THRB: variants seen among roughly 807,000 people sequenced by gnomAD.
THRB encodes the protein thyroid hormone receptor beta, also known as nuclear receptor subfamily 1 group A member 2.
THRB carries 12 observed loss-of-function variants against 47.8 expected under a neutral mutation model. That is an observed-to-expected ratio of 0.25 (90% CI 0.16 to 0.41). THRB has a LOEUF of 0.41. Among genes scored for constraint, THRB ranks in the 10% least tolerant of loss-of-function variants. The pLI is 1.00. For synonymous variants in THRB, 218 were observed against 212.2 expected, an observed-to-expected ratio of 1.03 and a Z score of -0.24; for missense variants, 348 against 589.2, an observed-to-expected ratio of 0.59 and a Z score of 4.24.
intron 2 of THRB, among the ~76,000 whole-genome samples, chr3:24,315,911 T>C (rs891368066): frequency 6.6e-6 from 1 of 152,238 alleles, no homozygotes; most frequent in Non-Finnish European, 1.5e-5. Context: ...TCAAAGCCAT[T>C]ATGATTCAGG....
intron 1 of THRB, among the ~76,000 whole-genome samples, chr3:24,360,289 A>G (rs1483563076): frequency 6.6e-6 from 1 of 152,150 alleles, no homozygotes; most frequent in African/African-American, 2.4e-5. Context: ...ACTAAGGTTC[A>G]CAGAGCGAAA....
intron 1 of THRB, among the ~76,000 whole-genome samples, chr3:24,410,213 A>C (rs879702847): frequency 9.2e-5 from 14 of 152,002 alleles, no homozygotes; most frequent in African/African-American, 3.4e-4. Flanking sequence ...CCCTACTGGG[A>C]AAATGTGGCT....
chr3:24,223,682 A>T (rs1187157739), intron 4 of THRB, among the ~76,000 whole-genome samples: 1 of 152,178 alleles, frequency 6.6e-6, no homozygotes, highest in African/African-American at 2.4e-5. Context: ...AATTATTTCA[A>T]AGGAAGAAAA....
At chr3:24,408,310 C>G (rs1160605754) in intron 1 of THRB, among the ~76,000 whole-genome samples, 1 of 151,816 alleles carries the variant, frequency 6.6e-6, no homozygotes, top group Non-Finnish European at 1.5e-5. Flanking sequence ...CTCAATTATT[C>G]AGACATAACG....
chr3:24,346,965 C>T (rs926266452), intron 1 of THRB, among the ~76,000 whole-genome samples: 11 of 151,982 alleles, frequency 7.2e-5, no homozygotes, highest in African/African-American at 2.7e-4. Context: ...TTACAGAATA[C>T]ACATTGAACA....
chr3:24,301,963 A>G (rs1040459634), intron 2 of THRB, among the ~76,000 whole-genome samples: 5 of 152,094 alleles, frequency 3.3e-5, no homozygotes, highest in African/African-American at 9.7e-5. Flanking sequence ...AAGAAAGTTG[A>G]TTCTCCCTCA....
At chr3:24,364,311 TA>T (rs2079764354) in intron 1 of THRB, among the ~76,000 whole-genome samples, 2 of 152,184 alleles carry the variant, frequency 1.3e-5, no homozygotes, top group Non-Finnish European at 2.9e-5. Flanking sequence ...AATGGAATGA[TA>T]ACTTGATTAT....
At chr3:24,217,494 G>A (rs851719) in intron 4 of THRB, among the ~76,000 whole-genome samples, 109,171 of 151,740 alleles carry the variant, frequency 0.72, 40,634 homozygotes, top group African/African-American at 0.93. Context: ...TGGCAGGTAA[G>A]ATGTTTGAAA....
chr3:24,141,842 A>G (rs1416808552), intron 8 of THRB, among the ~76,000 whole-genome samples: 1 of 152,178 alleles, frequency 6.6e-6, no homozygotes, highest in Non-Finnish European at 1.5e-5. Context: ...GGTTTCTACA[A>G]TGTCCATTTA....
intron 1 of THRB, among the ~76,000 whole-genome samples, chr3:24,424,913 A>T (rs1299790648): frequency 6.6e-6 from 1 of 151,912 alleles, no homozygotes; most frequent in African/African-American, 2.4e-5. Flanking sequence ...TAAACTTCTT[A>T]ATCTTCTATT....
chr3:24,256,126 G>T (rs1469070777), intron 3 of THRB, among the ~76,000 whole-genome samples: 1 of 152,204 alleles, frequency 6.6e-6, no homozygotes, highest in African/African-American at 2.4e-5. Context: ...AAATCCCAGA[G>T]AGTTTTGTGT....
intron 6 of THRB, among the ~76,000 whole-genome samples, chr3:24,147,798 C>G (rs1022715463): frequency 3.9e-5 from 6 of 152,138 alleles, no homozygotes; most frequent in African/African-American, 1.4e-4. Context: ...AAAGGAGGTG[C>G]TCTAAATATT....
intron 1 of THRB, among the ~76,000 whole-genome samples, chr3:24,419,002 G>A (rs1337985975): frequency 6.6e-6 from 1 of 151,884 alleles, no homozygotes; most frequent in Non-Finnish European, 1.5e-5. Flanking sequence ...CAGTGCCCAT[G>A]ACAGACATCA....
At chr3:24,290,233 T>C (rs966366399) in intron 3 of THRB, among the ~76,000 whole-genome samples, 1 of 152,048 alleles carries the variant, frequency 6.6e-6, no homozygotes, top group Non-Finnish European at 1.5e-5. Flanking sequence ...GGGGTGGGGT[T>C]GGGGGGATAA....
At chr3:24,376,651 A>C (rs1485346592) in intron 1 of THRB, among the ~76,000 whole-genome samples, 1 of 151,490 alleles carries the variant, frequency 6.6e-6, no homozygotes, top group East Asian at 1.9e-4. Flanking sequence ...ACTCCAAAAA[A>C]AGGCAATGCC....
At chr3:24,441,917 T>G (rs573775420) in intron 1 of THRB, among the ~76,000 whole-genome samples, 84 of 152,198 alleles carry the variant, frequency 5.5e-4, no homozygotes, top group Admixed American at 1.4e-3. Flanking sequence ...ATCTCTGACT[T>G]TGGAATACAG....
At chr3:24,453,651 G>C (rs150550851) in intron 1 of THRB, among the ~76,000 whole-genome samples, 15 of 152,238 alleles carry the variant, frequency 9.9e-5, no homozygotes, top group African/African-American at 3.1e-4. Flanking sequence ...CGCCATTTCC[G>C]CTGCTAAAAT....
chr3:24,283,877 T>C (rs1359507404), intron 3 of THRB, among the ~76,000 whole-genome samples: 1 of 149,172 alleles, frequency 6.7e-6, no homozygotes, highest in African/African-American at 2.5e-5. Context: ...TTACAAGGGA[T>C]GTGAAGGACC....
At chr3:24,431,476 G>A (rs2070415474) in intron 1 of THRB, among the ~76,000 whole-genome samples, 1 of 152,026 alleles carries the variant, frequency 6.6e-6, no homozygotes, top group African/African-American at 2.4e-5. Context: ...AAATTTAAAA[G>A]CCTGACATTA....
Sources: gnomAD v4.1 joint callset for allele counts (sites outside exome capture counted in the v4.1 genomes callset) on GRCh38, gnomAD v4.1.1 for gene constraint, MANE v1.5 for transcripts, NCBI Gene and HGNC (gene_info 2026-07-23, HGNC 2026-07-21) for gene names.